Variants in IPO5 observed in about 807,000 individuals in gnomAD.
IPO5 encodes the protein importin 5.
Under a neutral mutation model 143.3 loss-of-function variants are expected in IPO5, and 18 were observed. That is an observed-to-expected ratio of 0.13 (90% confidence interval 0.09 to 0.19). IPO5 has a LOEUF of 0.19. Among genes scored for constraint, IPO5 ranks in the 10% least tolerant of loss-of-function variants. The probability of loss-of-function intolerance (pLI) is 1.00; values close to 1 mark genes in which losing one functional copy is unlikely to be tolerated. For synonymous variants in IPO5, 477 were observed against 465.7 expected (o/e 1.02, Z -0.31); for missense variants, 1,013 against 1,336.9 (o/e 0.76, Z 3.78).
intron 11 of IPO5, among the ~76,000 whole-genome samples, chr13:97,994,582 A>G (rs1252566178): frequency 1.3e-5 from 2 of 152,236 alleles, no homozygotes; most frequent in Non-Finnish European, 2.9e-5. Context: ...TAGAAGAACA[A>G]ATTATCAGTT....
chr13:97,955,921 G>A (rs1475876659), intron 2 of IPO5, among the ~76,000 whole-genome samples: 1 of 152,150 alleles, frequency 6.6e-6, no homozygotes, highest in African/African-American at 2.4e-5. Context: ...CACAAGGTCA[G>A]GAGACCAAGA....
In IPO5 at chr13:98,018,520, A is replaced by T. The variant is rs756149747; in HGVS notation, c.2652A>T (p.Gly884=). The stretch of plus-strand genomic sequence containing the variant: ...GACCATGGCCAGACAGACAATGGGG[A>T]TTATGCATCTTTGATGATGTCATAG... ...PHRPWPDRQW[G]LCIFDDVIEH... Residue 884 remains glycine, a synonymous_variant, in exon 26 of 29, where the codon GGA becomes GGT. Transcript: ENST00000651721. 1 of 1,614,142 alleles carries T rather than the reference A, an allele frequency of 6.2e-7. No individual in the cohort carries two copies. Among genetic ancestry groups the T allele is most frequent in the Admixed American group, 1.7e-5 (1 of 60,028 alleles).
chr13:98,004,950 C>T (rs1232702440), intron 16 of IPO5, among the ~76,000 whole-genome samples: 1 of 151,754 alleles, frequency 6.6e-6, no homozygotes, highest in African/African-American at 2.4e-5. Flanking sequence ...GGCTGGAGTG[C>T]GATAACGCAC....
At chr13:97,971,497 T>G (rs1212199611) in intron 3 of IPO5, among the ~76,000 whole-genome samples, 1 of 152,218 alleles carries the variant, frequency 6.6e-6, no homozygotes, top group Non-Finnish European at 1.5e-5. Flanking sequence ...GTCAGAAATC[T>G]TACTTATCAG....
intron 13 of IPO5, 84 bp downstream of exon 13, chr13:98,000,729 A>G: frequency 1.2e-6 from 1 of 856,730 alleles, no homozygotes; most frequent in Admixed American, 2.0e-5. Flanking sequence ...AGACTGTTAA[A>G]AATTAATCTT....
chr13:97,981,703 T>C (rs1254650569), intron 4 of IPO5, among the ~76,000 whole-genome samples: 1 of 152,236 alleles, frequency 6.6e-6, no homozygotes, highest in Non-Finnish European at 1.5e-5. Flanking sequence ...AATTGATTTC[T>C]TTTCCACAGT....
intron 18 of IPO5, 64 bp from the exon 19 acceptor site, chr13:98,009,817 G>A: frequency 8.2e-7 from 1 of 1,218,622 alleles, no homozygotes; most frequent in Non-Finnish European, 1.2e-6. Context: ...ATAAGGAAAT[G>A]GCTTTCTTTA....
At chr13:97,973,876 C>T (rs1886042648) in intron 3 of IPO5, among the ~76,000 whole-genome samples, 1 of 151,860 alleles carries the variant, frequency 6.6e-6, no homozygotes, top group Non-Finnish European at 1.5e-5. Context: ...TTGAGACCAG[C>T]CTGGGTAACA....
At chr13:97,960,828 G>A (rs1289152635) in intron 2 of IPO5, among the ~76,000 whole-genome samples, 1 of 152,096 alleles carries the variant, frequency 6.6e-6, no homozygotes, top group Non-Finnish European at 1.5e-5. Flanking sequence ...CAAAGTGCTG[G>A]GATTACAGGC....
chr13:98,015,987 T>G (rs1288327447), intron 24 of IPO5, among the ~76,000 whole-genome samples: 6 of 152,252 alleles, frequency 3.9e-5, no homozygotes, highest in Non-Finnish European at 7.3e-5. Context: ...TGCATTTTGT[T>G]GTAATACCTC....
At chr13:97,995,091 C>G (rs982475244) in intron 11 of IPO5, among the ~76,000 whole-genome samples, 7 of 149,850 alleles carry the variant, frequency 4.7e-5, no homozygotes, top group Non-Finnish European at 1.0e-4. Context: ...CACCATTGCA[C>G]TCCGGCCTGG....
At chr13:98,021,398 C>T in intron 28 of IPO5, 1 of 362,704 alleles carries the variant, frequency 2.8e-6, no homozygotes, top group Non-Finnish European at 4.8e-6. Context: ...AGTTTTTCTG[C>T]CTATCTTAAG....
chr13:97,979,901 G>C (rs1406595415), intron 4 of IPO5: 3 of 456,568 alleles, frequency 6.6e-6, no homozygotes, highest in Non-Finnish European at 1.3e-5. Flanking sequence ...GGTGTTAATA[G>C]ATAAAAGTCA....
chr13:97,953,827 G>A, intron 1 of IPO5, 111 bp downstream of exon 1: 1 of 435,690 alleles, frequency 2.3e-6, no homozygotes, highest in Non-Finnish European at 4.6e-6. Flanking sequence ...GTGAGATCCA[G>A]GAGGTCCCTT....
intron 9 of IPO5, among the ~76,000 whole-genome samples, chr13:97,991,790 C>T (rs1226083448): frequency 6.6e-6 from 1 of 152,120 alleles, no homozygotes; most frequent in African/African-American, 2.4e-5. Flanking sequence ...GAGTTAGTTT[C>T]TAGGTTCAGA....
intron 17 of IPO5, among the ~76,000 whole-genome samples, chr13:98,006,625 C>T (rs1418437048): frequency 1.3e-5 from 2 of 151,736 alleles, no homozygotes; most frequent in African/African-American, 2.4e-5. Context: ...CCGCCCGCCT[C>T]GGCCTCCCAG....
At chr13:98,016,269 C>T (rs563137445) in intron 24 of IPO5, among the ~76,000 whole-genome samples, 75 of 152,142 alleles carry the variant, frequency 4.9e-4, no homozygotes, top group Non-Finnish European at 7.3e-5. Flanking sequence ...CCAGTGCTAC[C>T]GTGTAGGTAG....
intron 21 of IPO5, among the ~76,000 whole-genome samples, chr13:98,013,484 A>G (rs571971204): frequency 2.0e-5 from 3 of 152,284 alleles, no homozygotes; most frequent in African/African-American, 4.8e-5. Flanking sequence ...ACGGTATCCT[A>G]TAGTGGTATC....
At chr13:98,021,262 T>C in intron 28 of IPO5, 129 bp downstream of exon 28, 1 of 768,476 alleles carries the variant, frequency 1.3e-6, no homozygotes. Context: ...GTCTCTTGTC[T>C]CCAAGCCTCA....
Sources: gnomAD v4.1 joint callset for allele counts (sites outside exome capture counted in the v4.1 genomes callset) on GRCh38, gnomAD v4.1.1 for gene constraint, MANE v1.5 for transcripts, NCBI Gene and HGNC (gene_info 2026-07-23, HGNC 2026-07-21) for gene names.